ACOT11: variants seen among roughly 807,000 people sequenced by gnomAD.
ACOT11 encodes the protein acyl-CoA thioesterase 11.
A neutral mutation model predicts 77.5 loss-of-function variants in ACOT11; 69 were observed. That is an observed-to-expected ratio of 0.89 (90% CI 0.73 to 1.09). The LOEUF (loss-of-function observed/expected upper bound fraction) is 1.09. ACOT11 is among the 50% of genes least tolerant of loss of function. The probability of loss-of-function intolerance (pLI) is 0.00; values close to 1 mark genes in which losing one functional copy is unlikely to be tolerated. For synonymous variants in ACOT11, 279 were observed against 313.0 expected, an observed-to-expected ratio of 0.89 and a Z score of 1.15; for missense variants, 766 against 813.7, an observed-to-expected ratio of 0.94 and a Z score of 0.71.
chr1:54,559,107 G>A (rs1302535200), intron 1 of ACOT11, among the ~76,000 whole-genome samples: 1 of 152,228 alleles, frequency 6.6e-6, no homozygotes, highest in Non-Finnish European at 1.5e-5. Flanking sequence ...TGCACACCTG[G>A]CAAGAGACCC....
Position 54,610,026 on chromosome 1 carries a change from G to A in ACOT11, c.*914G>A, listed in dbSNP as rs1302338623. On this transcript the variant is annotated 3_prime_UTR_variant, in exon 16 of 16. Transcript: ENST00000343744. ...GTCCCTTGTTAAAGGGGCAGTGGGA[G>A]TTATGGGGTCATCAAGGACCTTGCC... 3 of 1,484,344 alleles carry A rather than the reference G, an allele frequency of 2.0e-6. No homozygotes were observed. The highest frequency in any genetic ancestry group is 2.7e-6 in the Non-Finnish European group (3 of 1,121,822). 91.9% of individuals were successfully genotyped at this position (1,484,344 alleles called of 1,614,324 possible). A position where few individuals can be genotyped will look rare whatever the true frequency, so the allele number is the denominator to read the frequency against.
At chr1:54,614,799 T>C (rs762437734), downstream of ACOT11, 1 of 1,614,180 alleles carries the variant, frequency 6.2e-7, no homozygotes, top group Admixed American at 1.7e-5. Context: ...CTCTGTCAGC[T>C]GCCGCAGGAG....
intron 1 of ACOT11, among the ~76,000 whole-genome samples, chr1:54,549,052 A>G (rs186627873): frequency 4.9e-4 from 75 of 152,190 alleles, no homozygotes; most frequent in African/African-American, 1.7e-3. Context: ...TTTCAGGAAA[A>G]GCCTTTTTTT....
At chr1:54,620,046 G>T (rs560177811) in intron 15 of ACOT11, 1 of 1,603,154 alleles carries the variant, frequency 6.2e-7, no homozygotes, top group Non-Finnish European at 8.5e-7. Flanking sequence ...GTCTGTCCTC[G>T]CCCCAGCCCA....
chr1:54,587,253 G>A (rs1245093936), intron 3 of ACOT11, among the ~76,000 whole-genome samples: 1 of 152,054 alleles, frequency 6.6e-6, no homozygotes, highest in African/African-American at 2.4e-5. Context: ...GGTAGCTCAC[G>A]CCTGTAATCT....
chr1:54,552,194 C>T (rs910981319), intron 1 of ACOT11, among the ~76,000 whole-genome samples: 14 of 152,252 alleles, frequency 9.2e-5, no homozygotes, highest in African/African-American at 2.6e-4. Flanking sequence ...GGTTTGTCTG[C>T]CACCATGAAG....
rs141333582 is a variant in ACOT11, at chr1:54,556,803, G to A, written c.33+8461G>A. ...CACCATTGTTGGCAAGGCTCGTCTC[G>A]AACTCCTGACCTTGGGTGATCCGCC... is the stretch of plus-strand genomic sequence containing the variant. On this transcript the variant is annotated intron_variant, in intron 1 of 15. Coordinates refer to ENST00000343744, the MANE Select transcript of ACOT11 (RefSeq NM_147161.4). Among the ~76,000 whole-genome samples, 868 of 151,920 alleles carry A rather than the reference G, an allele frequency of 5.7e-3. 1 individual carries two copies. The highest frequency in any genetic ancestry group is 9.0e-3 in the Non-Finnish European group (610 of 67,968).
At chr1:54,569,364 T>C (rs1251108423) in intron 1 of ACOT11, among the ~76,000 whole-genome samples, 1 of 152,146 alleles carries the variant, frequency 6.6e-6, no homozygotes, top group African/African-American at 2.4e-5. Flanking sequence ...TTACTAGGCC[T>C]CTTTCTGTCC....
intron 1 of ACOT11, among the ~76,000 whole-genome samples, chr1:54,566,111 G>T (rs1653721499): frequency 6.6e-6 from 1 of 152,102 alleles, no homozygotes; most frequent in African/African-American, 2.4e-5. Flanking sequence ...CTCACTGACT[G>T]CTTGCTCGCA....
chr1:54,583,045 G>A (rs886473145), intron 1 of ACOT11, among the ~76,000 whole-genome samples: 4 of 152,068 alleles, frequency 2.6e-5, no homozygotes, highest in Non-Finnish European at 2.9e-5. Context: ...GGCCCCCAGC[G>A]CACAACCAAG....
intron 16 of ACOT11, among the ~76,000 whole-genome samples, chr1:54,633,809 C>G (rs918097688): frequency 6.6e-6 from 1 of 152,218 alleles, no homozygotes; most frequent in African/African-American, 2.4e-5. Context: ...TGGAGGAAAT[C>G]CTAGTCTCAC....
At chr1:54,602,854 C>T (rs1449584565) in intron 10 of ACOT11, 130 bp downstream of exon 10, 25 of 1,015,914 alleles carry the variant, frequency 2.5e-5, no homozygotes, top group East Asian at 6.1e-5. Context: ...TACATCCTCT[C>T]GTTTTGGTCT....
chr1:54,567,373 G>C (rs1001607600), intron 1 of ACOT11, among the ~76,000 whole-genome samples: 6 of 150,976 alleles, frequency 4.0e-5, no homozygotes, highest in Non-Finnish European at 8.8e-5. Flanking sequence ...CTGCCTCCCA[G>C]GTTCAAGCGA....
At chr1:54,626,150 C>G (rs1557677388) in intron 15 of ACOT11, among the ~76,000 whole-genome samples, 1 of 151,648 alleles carries the variant, frequency 6.6e-6, no homozygotes, top group Non-Finnish European at 1.5e-5. Flanking sequence ...ATCCCAGCTA[C>G]TCGGGATTAC....
chr1:54,566,165 C>T (rs1653723038), intron 1 of ACOT11, among the ~76,000 whole-genome samples: 1 of 152,026 alleles, frequency 6.6e-6, no homozygotes, highest in Admixed American at 6.6e-5. Context: ...TTCTAAATAG[C>T]TGAGTGTGAG....
At chr1:54,552,609 G>A (rs539870436) in intron 1 of ACOT11, among the ~76,000 whole-genome samples, 13 of 151,542 alleles carry the variant, frequency 8.6e-5, no homozygotes, top group Admixed American at 5.9e-4. Context: ...CTCATTTCTC[G>A]GCCTCCTGAG....
chr1:54,572,572 G>A lies in ACOT11; in HGVS notation c.34-12083G>A, dbSNP rs545609484. Among the ~76,000 whole-genome samples the A allele has an allele frequency of 4.6e-5, 7 of 152,296 alleles. No homozygotes were observed. In the East Asian group the frequency reaches 1.2e-3, roughly 25 times the overall value. ...TGCTGTCAAAGCAGCTCCCCTGAGGGGGGGGGTCACACGGAAAGGGCGGGT... is the reference window on the plus strand; with the variant it reads ...TGCTGTCAAAGCAGCTCCCCTGAGGAGGGGGGTCACACGGAAAGGGCGGGT... On this transcript the variant is annotated intron_variant, in intron 1 of 15. Transcript: ENST00000343744.
chr1:54,614,744 T>A, downstream of ACOT11: 3 of 1,614,048 alleles, frequency 1.9e-6, no homozygotes, highest in Non-Finnish European at 2.5e-6. Flanking sequence ...TGGGGCCCTT[T>A]AAGATGTCAG....
chr1:54,626,080 G>A (rs1163719952), intron 15 of ACOT11, among the ~76,000 whole-genome samples: 1 of 151,578 alleles, frequency 6.6e-6, no homozygotes, highest in Non-Finnish European at 1.5e-5. Context: ...GGCCAACAGA[G>A]TGAGACCCTG....
Sources: gnomAD v4.1 joint callset for allele counts (sites outside exome capture counted in the v4.1 genomes callset) on GRCh38, gnomAD v4.1.1 for gene constraint, MANE v1.5 for transcripts, NCBI Gene and HGNC (gene_info 2026-07-23, HGNC 2026-07-21) for gene names.